Variants in PRKAR1A observed in about 807,000 individuals in gnomAD.
The protein encoded by PRKAR1A is protein kinase cAMP-dependent type I regulatory subunit alpha.
PRKAR1A carries 3 observed loss-of-function variants against 52.0 expected under a neutral mutation model. That is an observed-to-expected ratio of 0.06 (90% confidence interval 0.03 to 0.15). PRKAR1A has a LOEUF of 0.15. Ranked by LOEUF, PRKAR1A falls within the 10% of genes least tolerant of loss-of-function variation. PRKAR1A has a pLI of 1.00. For synonymous variants in PRKAR1A, 188 were observed against 168.4 expected, an observed-to-expected ratio of 1.12 and a Z score of -0.90; for missense variants, 240 against 477.4, an observed-to-expected ratio of 0.50 and a Z score of 4.63.
At chr17:68,485,704 C>G in the PRKAR1A span, among the ~76,000 whole-genome samples, 1 of 152,176 alleles carries the variant, frequency 6.6e-6, no homozygotes, top group Non-Finnish European at 1.5e-5. Context: ...TAAAACTTTA[C>G]TTAGAATCAT....
chr17:68,515,333 A>G (rs553498372), intron 1 of PRKAR1A, 61 bp from the exon 2 acceptor site: 100 of 1,586,902 alleles, frequency 6.3e-5, no homozygotes, highest in Non-Finnish European at 8.2e-5. Context: ...AGCAAGTTAA[A>G]TGCCAGATTG....
upstream of PRKAR1A, among the ~76,000 whole-genome samples, chr17:68,510,159 C>CAGAGAGAGGAGAG (rs1555810694): frequency 7.8e-6 from 1 of 127,520 alleles, no homozygotes; most frequent in Non-Finnish European, 1.7e-5. Flanking sequence ...TATATGTAGA[C>CAGAGAGAGGAGAG]AGAGAGAGAG....
the PRKAR1A span, among the ~76,000 whole-genome samples, chr17:68,484,267 G>A: frequency 1.3e-5 from 2 of 152,200 alleles, no homozygotes; most frequent in Non-Finnish European, 2.9e-5. Flanking sequence ...TCTCTGTAAT[G>A]TGTTGTGGTG....
the PRKAR1A span, among the ~76,000 whole-genome samples, chr17:68,469,201 G>A: frequency 9.9e-6 from 1 of 100,914 alleles, no homozygotes; most frequent in African/African-American, 3.2e-5. Flanking sequence ...TTTAGGCACT[G>A]TCTATTTTCA....
At chr17:68,546,998 T>G (rs2143585296) in intron 11 of PRKAR1A, among the ~76,000 whole-genome samples, 1 of 152,042 alleles carries the variant, frequency 6.6e-6, no homozygotes, top group Admixed American at 6.5e-5. Flanking sequence ...GCAGTAATAT[T>G]TTGAAAGGAA....
chr17:68,492,278 A>C, the PRKAR1A span, among the ~76,000 whole-genome samples: 1 of 152,134 alleles, frequency 6.6e-6, no homozygotes, highest in Admixed American at 6.6e-5. Flanking sequence ...TCTTATTTGA[A>C]AAAGCAGAGG....
chr17:68,472,539 G>A, the PRKAR1A span, among the ~76,000 whole-genome samples: 2 of 152,124 alleles, frequency 1.3e-5, no homozygotes, highest in Non-Finnish European at 2.9e-5. Flanking sequence ...AAAACATAAA[G>A]CTTTTCTTTA....
At chr17:68,547,528 C>T (rs1240520438) in intron 11 of PRKAR1A, among the ~76,000 whole-genome samples, 2 of 152,206 alleles carry the variant, frequency 1.3e-5, no homozygotes, top group African/African-American at 4.8e-5. Context: ...TGCAGCTTCT[C>T]CATCAGCACT....
In PRKAR1A at chr17:68,531,821, A is replaced by T. The variant is rs2085983820; in HGVS notation, c.*1372A>T. The T allele has an allele frequency of 9.7e-7, 1 of 1,034,544 alleles. No homozygotes were observed. The allele number at this position is 1,034,544 out of a possible 1,614,324, so 64.1% of individuals were successfully genotyped here. ...TGATACCCAACAGTTTATTTTTATT[A>T]TTTTTTTAAACAAAATTTCACAGTT... is the stretch of plus-strand genomic sequence containing the variant. On this transcript the variant is annotated 3_prime_UTR_variant, in exon 11 of 11. Coordinates refer to ENST00000589228, the MANE Select transcript of PRKAR1A (RefSeq NM_002734.5).
rs1394143825 is a variant in PRKAR1A at position 68,532,427 on chromosome 17, C to T, written c.*1978C>T. 2 of 1,060,322 alleles carry T rather than the reference C, an allele frequency of 1.9e-6. No individual in the cohort carries two copies. Among genetic ancestry groups the T allele is most frequent in the Non-Finnish European group, 2.3e-6 (2 of 874,724 alleles). The allele number at this position is 1,060,322 out of a possible 1,614,324, so 65.7% of individuals were successfully genotyped here. A position where few individuals can be genotyped will look rare whatever the true frequency, so the allele number is the denominator to read the frequency against. The stretch of plus-strand genomic sequence containing the variant: ...AATCATTTGGCTTGCTGTTTACTCC[C>T]TTCTGTAGTTTTTAATTAAAAACTT... On this transcript the variant is annotated 3_prime_UTR_variant, in exon 11 of 11. Coordinates refer to ENST00000589228, the MANE Select transcript of PRKAR1A (RefSeq NM_002734.5).
chr17:68,544,531 C>T (rs527903120), intron 11 of PRKAR1A, among the ~76,000 whole-genome samples: 4 of 152,206 alleles, frequency 2.6e-5, no homozygotes, highest in South Asian at 2.1e-4. Flanking sequence ...ACTGTTGAAA[C>T]GACTGCAAGG....
chr17:68,495,966 C>T, the PRKAR1A span, among the ~76,000 whole-genome samples: 250 of 52,032 alleles, frequency 4.8e-3, 1 homozygote, highest in Middle Eastern at 8.2e-3. Flanking sequence ...TCTCCTCTCT[C>T]CTCTCCTCTC....
At chr17:68,457,450 C>A in the PRKAR1A span, 3 of 1,472,184 alleles carry the variant, frequency 2.0e-6, no homozygotes, top group East Asian at 9.0e-5. Context: ...AGCCGCAGCT[C>A]GGAGCCGGCG....
chr17:68,522,954 G>A (rs1369322674), intron 3 of PRKAR1A, 28 bp downstream of exon 3: 6 of 1,611,114 alleles, frequency 3.7e-6, no homozygotes, highest in Non-Finnish European at 5.1e-6. Context: ...ATATCGGGGG[G>A]ATGCTTTTGG....
downstream of PRKAR1A, chr17:68,537,039 A>G (rs2086115317): frequency 2.2e-6 from 1 of 455,968 alleles, no homozygotes; most frequent in Non-Finnish European, 4.4e-6. This position sits in a 1 kb window ranked among gnomAD's most constrained non-coding sequence, Gnocchi z 4.2. Context: ...ATTTTTAGTC[A>G]GCTTGTGATA....
the PRKAR1A span, among the ~76,000 whole-genome samples, chr17:68,449,328 G>C: frequency 0.78 from 118,088 of 152,196 alleles, 46,188 homozygotes; most frequent in African/African-American, 0.85. Context: ...CCAGCACAGT[G>C]CCTGCCTTCA....
chr17:68,420,508 C>G, the PRKAR1A span: 12 of 1,581,516 alleles, frequency 7.6e-6, no homozygotes, highest in Non-Finnish European at 1.0e-5. Flanking sequence ...GGAAATTAGG[C>G]AAGTTTGCTT....
At chr17:68,550,993 T>C (rs185175738) in intron 11 of PRKAR1A, 2 of 1,100,198 alleles carry the variant, frequency 1.8e-6, no homozygotes, top group Non-Finnish European at 2.3e-6. Context: ...AATCTGCCAG[T>C]CTAATTGTAT....
chr17:68,417,179 T>C, the PRKAR1A span, among the ~76,000 whole-genome samples: 2 of 152,154 alleles, frequency 1.3e-5, no homozygotes, highest in African/African-American at 2.4e-5. Flanking sequence ...TCTTAGTCTA[T>C]CCCTTCCCTC....
Sources: allele counts gnomAD v4.1 joint callset (sites outside exome capture counted in the v4.1 genomes callset), GRCh38; gene constraint gnomAD v4.1.1; non-coding constraint Gnocchi (gnomAD v3.1); transcripts MANE v1.5; gene names NCBI Gene and HGNC (gene_info 2026-07-23, HGNC 2026-07-21).